SGCZ: variants seen among roughly 807,000 people sequenced by gnomAD.
SGCZ encodes the protein zeta-sarcoglycan.
Under a neutral mutation model 41.3 loss-of-function variants are expected in SGCZ, and 40 were observed. The observed-to-expected ratio is 0.97, with a 90% CI of 0.75 to 1.26. The LOEUF (loss-of-function observed/expected upper bound fraction) is 1.26, where lower values mean the gene tolerates loss of function less well. Ranked by LOEUF, SGCZ falls within the 50% of genes most tolerant of loss-of-function variation. The pLI is 0.00. For synonymous variants in SGCZ, 206 were observed against 137.5 expected (o/e 1.50, Z -3.49); for missense variants, 552 against 369.8 (o/e 1.49, Z -4.04).
chr8:14,142,824 G>C lies in SGCZ; in HGVS notation c.547+21756C>G, dbSNP rs553190678. 3.3e-4 allele frequency among the ~76,000 whole-genome samples: 50 copies of C among 152,040 alleles called. 1 individual carries two copies. The highest frequency in any genetic ancestry group is 1.1e-3 in the African/African-American group (46 of 41,420). ...GAGATCTGGTTGTTTAAAAGTGTGT[G>C]GCACCTCTCCCCTTGCTCTCTTCCT... On this transcript the variant is annotated intron_variant, in intron 5 of 7. Transcript: ENST00000382080.
intron 1 of SGCZ, among the ~76,000 whole-genome samples, chr8:14,587,965 T>C (rs1009697434): frequency 1.3e-5 from 2 of 152,122 alleles, no homozygotes; most frequent in Admixed American, 6.6e-5. Context: ...ATGGGTAACA[T>C]CTTTCTCAAT....
intron 2 of SGCZ, among the ~76,000 whole-genome samples, chr8:14,328,117 T>A (rs1047811549): frequency 6.6e-6 from 1 of 152,214 alleles, no homozygotes; most frequent in African/African-American, 2.4e-5. Context: ...CTAGATGAAA[T>A]GATAAAATGT....
At chr8:14,479,982 T>C (rs980590854) in intron 2 of SGCZ, among the ~76,000 whole-genome samples, 1 of 152,180 alleles carries the variant, frequency 6.6e-6, no homozygotes, top group Non-Finnish European at 1.5e-5. Flanking sequence ...TGACCTCAAG[T>C]GATCCACCCG....
intron 3 of SGCZ, among the ~76,000 whole-genome samples, chr8:14,310,946 C>A (rs113034244): frequency 6.6e-6 from 1 of 152,028 alleles, no homozygotes; most frequent in Non-Finnish European, 1.5e-5. Context: ...CTGTGTACCC[C>A]GTGGAAAATC....
At chr8:14,803,868 G>T (rs538779198) in intron 1 of SGCZ, among the ~76,000 whole-genome samples, 5 of 95,856 alleles carry the variant, frequency 5.2e-5, no homozygotes, top group Non-Finnish European at 7.6e-5. Flanking sequence ...CTCCCAGCAC[G>T]CAGCTGGAGA....
chr8:15,063,513 G>C (rs556300139), intron 1 of SGCZ, among the ~76,000 whole-genome samples: 1 of 152,214 alleles, frequency 6.6e-6, no homozygotes, highest in East Asian at 1.9e-4. Context: ...TACAGTGAAA[G>C]GATGGCCCAA....
intron 1 of SGCZ, among the ~76,000 whole-genome samples, chr8:14,565,516 C>A (rs1184351621): frequency 6.6e-6 from 1 of 150,912 alleles, no homozygotes; most frequent in African/African-American, 2.5e-5. Context: ...TCCACGGGCA[C>A]CATTTACACT....
In SGCZ at chr8:14,412,508, G is replaced by A. The variant is rs1035656226; in HGVS notation, c.235-88304C>T. On this transcript the variant is annotated intron_variant, in intron 2 of 7. Coordinates refer to ENST00000382080, the MANE Select transcript of SGCZ (RefSeq NM_139167.4). ...ATAATCTCAGCATAAATGCTGCCAG[G>A]CCTTGCCTTTTGCAGCTGTTCTGTT... 2.0e-5 allele frequency among the ~76,000 whole-genome samples: 3 copies of A among 152,170 alleles called. No homozygotes were observed. In the East Asian group the frequency reaches 5.8e-4, roughly 29 times the overall value.
intron 1 of SGCZ, among the ~76,000 whole-genome samples, chr8:15,223,836 C>T (rs1018241224): frequency 4.0e-5 from 6 of 149,026 alleles, no homozygotes; most frequent in African/African-American, 1.0e-4. Flanking sequence ...CAGTTGCCAG[C>T]GAAAAGCTCC....
intron 4 of SGCZ, among the ~76,000 whole-genome samples, chr8:14,227,981 G>A (rs34899486): frequency 0.24 from 36,004 of 151,852 alleles, 5,488 homozygotes; most frequent in Non-Finnish European, 0.34. Context: ...GTATTGTTGT[G>A]CAGTCATCTG....
intron 2 of SGCZ, among the ~76,000 whole-genome samples, chr8:14,436,241 C>A (rs1800087517): frequency 6.6e-6 from 1 of 152,110 alleles, no homozygotes; most frequent in East Asian, 1.9e-4. Flanking sequence ...CAGACCCTGG[C>A]GATGAGCCTC....
chr8:14,350,370 G>T (rs1339092865), intron 2 of SGCZ, among the ~76,000 whole-genome samples: 1 of 151,938 alleles, frequency 6.6e-6, no homozygotes, highest in Non-Finnish European at 1.5e-5. Context: ...ACCCAAGTAT[G>T]CTTTTTCAAG....
intron 1 of SGCZ, among the ~76,000 whole-genome samples, chr8:14,573,214 T>TG (rs1804608903): frequency 8.2e-6 from 1 of 121,632 alleles, no homozygotes; most frequent in African/African-American, 2.9e-5. Context: ...TTTTTTTTTT[T>TG]TGAGACGGAG....
In SGCZ at chr8:14,333,070, G is replaced by A. The variant is rs111709409; in HGVS notation, c.235-8866C>T. ...TGAGAAAAAAATATATTTTTCTACA[G>A]GCAATTGGAATCACTGTCAGCAAAA... On this transcript the variant is annotated intron_variant, in intron 2 of 7. Coordinates refer to ENST00000382080, the MANE Select transcript of SGCZ (RefSeq NM_139167.4). Among the ~76,000 whole-genome samples the A allele has an allele frequency of 8.6e-5, 13 of 151,890 alleles. 2 individuals carry two copies. The highest frequency in any genetic ancestry group is 3.1e-4 in the African/African-American group (13 of 41,428).
chr8:14,190,419 C>G (rs1234919341), intron 4 of SGCZ, among the ~76,000 whole-genome samples: 1 of 151,334 alleles, frequency 6.6e-6, no homozygotes, highest in Non-Finnish European at 1.5e-5. Flanking sequence ...ATATATATAT[C>G]ACACTTTCAT....
chr8:14,594,018 T>C (rs1805324664), intron 1 of SGCZ, among the ~76,000 whole-genome samples: 2 of 151,638 alleles, frequency 1.3e-5, no homozygotes, highest in African/African-American at 4.8e-5. Flanking sequence ...CTTCTAAAAA[T>C]ACAAAAATTA....
chr8:14,698,907 G>A (rs181482152), intron 1 of SGCZ, among the ~76,000 whole-genome samples: 80 of 151,810 alleles, frequency 5.3e-4, no homozygotes, highest in Non-Finnish European at 9.7e-4. Flanking sequence ...CTGGGTAATC[G>A]TGAAAACTTT....
intron 1 of SGCZ, among the ~76,000 whole-genome samples, chr8:14,762,825 G>A (rs571350012): frequency 6.6e-6 from 1 of 152,188 alleles, no homozygotes; most frequent in African/African-American, 2.4e-5. Context: ...TTTGCAAAGA[G>A]ATATCTCTGT....
chr8:14,623,119 G>C (rs1397282), intron 1 of SGCZ, among the ~76,000 whole-genome samples: 6 of 151,852 alleles, frequency 4.0e-5, no homozygotes, highest in African/African-American at 1.5e-4. Flanking sequence ...GAACTTATCA[G>C]TGTATTACCA....
Sources: allele counts gnomAD v4.1 joint callset (sites outside exome capture counted in the v4.1 genomes callset), GRCh38; gene constraint gnomAD v4.1.1; transcripts MANE v1.5; gene names NCBI Gene and HGNC (gene_info 2026-07-23, HGNC 2026-07-21).